The following SEMA6A variants were observed in gnomAD, a reference collection of about 807,000 sequenced individuals.
The protein encoded by SEMA6A is semaphorin-6A.
Under a neutral mutation model 96.8 loss-of-function variants are expected in SEMA6A, and 25 were observed. That is an observed-to-expected ratio of 0.26 (90% CI 0.19 to 0.36). The LOEUF (loss-of-function observed/expected upper bound fraction) is 0.36, where lower values mean the gene tolerates loss of function less well. SEMA6A is among the 10% of genes least tolerant of loss of function. The pLI is 1.00. For missense variants in SEMA6A, 1,363 were observed against 1,323.1 expected (o/e 1.03, Z -0.47); for synonymous variants, 612 against 518.0 (o/e 1.18, Z -2.46).
chr5:116,501,680 G>A (rs1580444373), intron 3 of SEMA6A, among the ~76,000 whole-genome samples: 1 of 152,272 alleles, frequency 6.6e-6, no homozygotes, highest in East Asian at 1.9e-4. Flanking sequence ...CTGAGGTCAG[G>A]AGTTCAAGAC....
rs1224746483 is a variant in SEMA6A at position 116,486,985 on chromosome 5, T to C, written c.745-19A>G. On this transcript the variant is annotated intron_variant, in intron 9 of 18. Transcript: ENST00000343348. ...AAACTACCTGCAGAGGAAAAACACA[T>C]AGGGAAAATTAAATGCATTCATTTT... 5.1e-6 allele frequency: 8 copies of C among 1,573,026 alleles called. No homozygotes were observed. Among genetic ancestry groups the C allele is most frequent in the Non-Finnish European group, 5.2e-6 (6 of 1,144,240 alleles).
At chr5:116,458,447 G>GTCA (rs1755155111) in intron 18 of SEMA6A, among the ~76,000 whole-genome samples, 1 of 152,126 alleles carries the variant, frequency 6.6e-6, no homozygotes, top group Admixed American at 6.6e-5. Flanking sequence ...AAAGTGTCAT[G>GTCA]TCAAGTAGAT....
chr5:116,560,002 G>A (rs1183888004), intron 1 of SEMA6A, among the ~76,000 whole-genome samples: 1 of 152,198 alleles, frequency 6.6e-6, no homozygotes, highest in African/African-American at 2.4e-5. Flanking sequence ...TGTCTTCAGG[G>A]CTTCACCACA....
intron 1 of SEMA6A, among the ~76,000 whole-genome samples, chr5:116,559,757 T>C (rs965713051): frequency 6.6e-6 from 1 of 152,132 alleles, no homozygotes; most frequent in African/African-American, 2.4e-5. Flanking sequence ...AGGTGATACC[T>C]TGGAACCATT....
Position 116,456,678 on chromosome 5 carries a change from T to C in SEMA6A, c.1895-8867A>G, listed in dbSNP as rs1054248348. ...CATCTCTGTAACTGTGGCCGTCAGA[T>C]AGTGGTTGGTACCACAGAGCTCACG... On this transcript the variant is annotated intron_variant, in intron 18 of 18. Transcript: ENST00000343348. Among the ~76,000 whole-genome samples the C allele has an allele frequency of 3.9e-5, 6 of 152,188 alleles. No homozygotes were observed. The East Asian group carries it at 9.6e-4, about 24-fold the overall frequency.
rs184380167 is a variant in SEMA6A at position 116,549,963 on chromosome 5, C to A, written c.-39+24222G>T. 1.8e-4 allele frequency among the ~76,000 whole-genome samples: 28 copies of A among 152,182 alleles called. No individual in the cohort carries two copies. In the East Asian group the frequency reaches 2.5e-3, roughly 14 times the overall value. On this transcript the variant is annotated intron_variant, in intron 1 of 18. Coordinates refer to ENST00000343348, the MANE Select transcript of SEMA6A (RefSeq NM_020796.5). ...AATGCCAGTTACATTGCTCTTGGGC[C>A]TTCTAAATGGTCGTCTAAATGATCA...
At chr5:116,470,154 G>A (rs1756030715) in intron 17 of SEMA6A, among the ~76,000 whole-genome samples, 1 of 152,010 alleles carries the variant, frequency 6.6e-6, no homozygotes, top group African/African-American at 2.4e-5. Flanking sequence ...TTAAGCAGCA[G>A]TCCTCAGTTT....
intron 1 of SEMA6A, among the ~76,000 whole-genome samples, chr5:116,569,582 T>G (rs974962859): frequency 1.1e-4 from 16 of 152,028 alleles, no homozygotes; most frequent in African/African-American, 3.9e-4. Flanking sequence ...GGAATGCTAG[T>G]GGGGAAGCTG....
At position 116,447,535 on chromosome 5, in the gene SEMA6A, G is replaced by T. The variant is rs769576529; in HGVS notation, c.2171C>A (p.Thr724Lys). 6.2e-7 allele frequency: 1 copy of T among 1,614,080 alleles called. No individual in the cohort carries two copies. The highest frequency in any genetic ancestry group is 1.1e-5 in the South Asian group (1 of 91,080). The change falls in exon 19 of 19, where the codon ACG (threonine) becomes AAG (lysine). Residue 724 changes from threonine to lysine, a missense_variant. Physicochemically the swap from Thr to Lys is moderately conservative, Grantham distance 78. Around this residue, in one of 2 missense-constraint regions of SEMA6A, gnomAD observed 883 missense variants for 763.6 expected, o/e 1.16. Coordinates refer to ENST00000343348, the MANE Select transcript of SEMA6A (RefSeq NM_020796.5). ...SKDPKPEAILTPLMHNGKLAT... is the reference protein window; with the variant it reads ...SKDPKPEAILKPLMHNGKLAT... Reference sequence around the variant, plus strand: ...GAGCTTGCCGTTGTGCATGAGTGGCGTGAGGATGGCCTCCGGCTTTGGGTC... The same window carrying T: ...GAGCTTGCCGTTGTGCATGAGTGGCTTGAGGATGGCCTCCGGCTTTGGGTC...
chr5:116,468,417 C>A (rs921259298), intron 17 of SEMA6A: 1 of 152,198 alleles, frequency 6.6e-6, no homozygotes, highest in Admixed American at 6.5e-5. Flanking sequence ...AACGGCTACA[C>A]GCTATTACGG....
At chr5:116,501,313 G>C (rs1757868384) in intron 3 of SEMA6A, among the ~76,000 whole-genome samples, 1 of 152,106 alleles carries the variant, frequency 6.6e-6, no homozygotes, top group Non-Finnish European at 1.5e-5. Flanking sequence ...TGTGATCCCT[G>C]TTTGAGCCGT....
intron 1 of SEMA6A, among the ~76,000 whole-genome samples, chr5:116,537,588 C>T (rs1448796003): frequency 1.3e-5 from 2 of 152,074 alleles, no homozygotes; most frequent in African/African-American, 2.4e-5. Flanking sequence ...ATTTAACCCC[C>T]AAATGGAGAT....
At chr5:116,467,963 A>G (rs769341442) in intron 17 of SEMA6A, 10 of 557,450 alleles carry the variant, frequency 1.8e-5, no homozygotes, top group Non-Finnish European at 3.2e-5. Flanking sequence ...TTAGAAAATG[A>G]AGGGCCAGAT....
At chr5:116,573,210 A>T (rs1207532799) in intron 1 of SEMA6A, among the ~76,000 whole-genome samples, 1 of 152,150 alleles carries the variant, frequency 6.6e-6, no homozygotes, top group Non-Finnish European at 1.5e-5. Flanking sequence ...CCCCCATGGT[A>T]GCGCCCTAGG....
chr5:116,498,194 G>A (rs140694658), intron 3 of SEMA6A, among the ~76,000 whole-genome samples: 41 of 152,282 alleles, frequency 2.7e-4, no homozygotes, highest in African/African-American at 9.9e-4. Flanking sequence ...CTCAACAGAG[G>A]AGATGGGGGG....
chr5:116,571,110 TA>T (rs757146238), intron 1 of SEMA6A, among the ~76,000 whole-genome samples: 2 of 152,200 alleles, frequency 1.3e-5, no homozygotes, highest in Admixed American at 6.5e-5. Flanking sequence ...TGAAGGCATA[TA>T]TTTTTTTTTT....
intron 17 of SEMA6A, among the ~76,000 whole-genome samples, chr5:116,471,024 C>T (rs1305292875): frequency 2.0e-5 from 3 of 152,146 alleles, no homozygotes; most frequent in South Asian, 2.1e-4. Flanking sequence ...AAATTAACAT[C>T]CCTTGCAATG....
At chr5:116,456,108 TA>T (rs1342968977) in intron 18 of SEMA6A, among the ~76,000 whole-genome samples, 1 of 152,140 alleles carries the variant, frequency 6.6e-6, no homozygotes, top group Non-Finnish European at 1.5e-5. Flanking sequence ...GCCAAAAGTG[TA>T]AAAATAAGGA....
At chr5:116,456,729 G>A (rs749922198) in intron 18 of SEMA6A, among the ~76,000 whole-genome samples, 4 of 152,156 alleles carry the variant, frequency 2.6e-5, no homozygotes, top group Non-Finnish European at 5.9e-5. Flanking sequence ...GTCAGCCCAG[G>A]CATAACTGGT....
Sources: gnomAD v4.1 joint callset for allele counts (sites outside exome capture counted in the v4.1 genomes callset) on GRCh38, gnomAD v4.1.1 for gene constraint, gnomAD v4.1.1 regional missense constraint, MANE v1.5 for transcripts, NCBI Gene and HGNC (gene_info 2026-07-23, HGNC 2026-07-21) for gene names.